KCNAB1: variants seen among roughly 807,000 people sequenced by gnomAD.
KCNAB1 encodes potassium voltage-gated channel subfamily A regulatory beta subunit 1.
Under a neutral mutation model 64.6 loss-of-function variants are expected in KCNAB1, and 35 were observed. The ratio of observed to expected loss-of-function variants is 0.54; its 90% CI spans 0.41 to 0.72. The LOEUF (loss-of-function observed/expected upper bound fraction) is 0.72. KCNAB1 is among the 30% of genes least tolerant of loss of function. The pLI, the probability that KCNAB1 is intolerant of heterozygous loss-of-function variation, is 0.00. For synonymous variants in KCNAB1, 177 were observed against 183.8 expected (o/e 0.96, Z 0.30); for missense variants, 401 against 512.9 (o/e 0.78, Z 2.11).
At chr3:156,247,155 C>T (rs1208996718) in intron 1 of KCNAB1, among the ~76,000 whole-genome samples, 2 of 152,092 alleles carry the variant, frequency 1.3e-5, no homozygotes, top group Admixed American at 6.5e-5. Flanking sequence ...GACTGTCTGC[C>T]GACTGGCTGG....
chr3:156,193,116 T>C (rs1320959456), intron 1 of KCNAB1, among the ~76,000 whole-genome samples: 1 of 152,132 alleles, frequency 6.6e-6, no homozygotes, highest in East Asian at 1.9e-4. Flanking sequence ...TATGGATTAA[T>C]TATATTTTAA....
intron 6 of KCNAB1, among the ~76,000 whole-genome samples, chr3:156,464,244 A>G (rs1276643157): frequency 6.6e-6 from 1 of 152,206 alleles, no homozygotes; most frequent in African/African-American, 2.4e-5. Context: ...AGCTACCTGT[A>G]TCACTCGCTG....
chr3:156,305,298 G>A (rs564709602), intron 1 of KCNAB1, among the ~76,000 whole-genome samples: 26 of 152,256 alleles, frequency 1.7e-4, no homozygotes, highest in African/African-American at 6.3e-4. Context: ...GTATGTGCAT[G>A]GCTTCAAAAT....
intron 1 of KCNAB1, among the ~76,000 whole-genome samples, chr3:156,157,411 T>C (rs934184892): frequency 6.6e-6 from 1 of 152,192 alleles, no homozygotes; most frequent in African/African-American, 2.4e-5. Flanking sequence ...ATGATACTTA[T>C]AAAGCTGGAT....
chr3:156,367,394 G>A (rs1039468171), intron 1 of KCNAB1, among the ~76,000 whole-genome samples: 5 of 151,706 alleles, frequency 3.3e-5, no homozygotes, highest in African/African-American at 1.2e-4. Context: ...TGTTAGCCAG[G>A]ATGGTCTCGA....
At chr3:156,366,026 T>C (rs1725921915) in intron 1 of KCNAB1, among the ~76,000 whole-genome samples, 1 of 152,116 alleles carries the variant, frequency 6.6e-6, no homozygotes, top group African/African-American at 2.4e-5. Context: ...ACTTGGCCCT[T>C]ACACATAAAA....
chr3:156,355,843 A>G (rs1725195600), intron 1 of KCNAB1, among the ~76,000 whole-genome samples: 2 of 152,112 alleles, frequency 1.3e-5, no homozygotes, highest in African/African-American at 4.8e-5. Flanking sequence ...AGGGCTGGCC[A>G]TGGTGGCTAA....
intron 1 of KCNAB1, among the ~76,000 whole-genome samples, chr3:156,186,202 T>C (rs1319245866): frequency 6.6e-6 from 1 of 152,254 alleles, no homozygotes; most frequent in African/African-American, 2.4e-5. Flanking sequence ...GTTTCATCTC[T>C]CTTTTCAAGT....
At chr3:156,530,589 C>T (rs977957590) in intron 12 of KCNAB1, among the ~76,000 whole-genome samples, 2 of 152,158 alleles carry the variant, frequency 1.3e-5, no homozygotes, top group African/African-American at 4.8e-5. Flanking sequence ...GAGATTCTCT[C>T]TAGCACGCTC....
intron 13 of KCNAB1, among the ~76,000 whole-genome samples, chr3:156,534,882 T>G (rs1718948368): frequency 6.6e-6 from 1 of 152,234 alleles, no homozygotes; most frequent in Admixed American, 6.5e-5. Context: ...CTTGTGATAC[T>G]ATGTCTTGTT....
chr3:156,142,995 A>C (rs1236432215), intron 1 of KCNAB1: 25 of 1,290,702 alleles, frequency 1.9e-5, no homozygotes, highest in Admixed American at 7.5e-5. Context: ...CACAACCAAC[A>C]GCTCTGTCGG....
chr3:156,158,916 C>G (rs370247626), intron 1 of KCNAB1, among the ~76,000 whole-genome samples: 25 of 152,270 alleles, frequency 1.6e-4, no homozygotes, highest in East Asian at 1.5e-3. Flanking sequence ...TGTCTCTGAA[C>G]TACTGACCTT....
At chr3:156,339,682 C>T (rs1403268634) in intron 1 of KCNAB1, among the ~76,000 whole-genome samples, 3 of 152,184 alleles carry the variant, frequency 2.0e-5, no homozygotes, top group East Asian at 3.9e-4. Context: ...AGGGCACGTG[C>T]CATTGAGTTT....
At chr3:156,433,715 G>A (rs750264105) in intron 2 of KCNAB1, among the ~76,000 whole-genome samples, 2 of 152,170 alleles carry the variant, frequency 1.3e-5, no homozygotes, top group African/African-American at 2.4e-5. Context: ...CTGTCAGCTT[G>A]ACAAGGGAAA....
chr3:156,469,931 G>A (rs951298484), intron 7 of KCNAB1, among the ~76,000 whole-genome samples: 1 of 152,228 alleles, frequency 6.6e-6, no homozygotes, highest in South Asian at 2.1e-4. Flanking sequence ...ACTTGGTTCT[G>A]TGATGAAGGT....
chr3:156,373,887 A>G lies in KCNAB1; in HGVS notation c.276-47729A>G, dbSNP rs1267197616. On this transcript the variant is annotated intron_variant, in intron 1 of 13. Transcript: ENST00000490337. ...ACAGGGGATCATAATGGTCTGATCCATTCAGGCCAGGCAAGGGGCTGGCTC... is the reference window on the plus strand; with the variant it reads ...ACAGGGGATCATAATGGTCTGATCCGTTCAGGCCAGGCAAGGGGCTGGCTC... Among the ~76,000 whole-genome samples the G allele has an allele frequency of 3.3e-5, 5 of 152,240 alleles. No homozygotes were observed. The East Asian group carries it at 7.7e-4, about 23-fold the overall frequency.
Position 156,351,805 on chromosome 3 carries a change from C to T in KCNAB1, c.276-69811C>T, listed in dbSNP as rs556511298. ...GCCTCAGGCAATTCAGGGTCTCTCT[C>T]CCTGCCTTCCTCTGGTCTCTCTCCC... On this transcript the variant is annotated intron_variant, in intron 1 of 13. Coordinates refer to ENST00000490337, the MANE Select transcript of KCNAB1 (RefSeq NM_172160.3). Among the ~76,000 whole-genome samples, 34 of 152,330 alleles carry T rather than the reference C, an allele frequency of 2.2e-4. No homozygotes were observed. The South Asian group carries it at 7.0e-3, about 32-fold the overall frequency.
At chr3:156,195,201 T>C (rs560923313) in intron 1 of KCNAB1, among the ~76,000 whole-genome samples, 5 of 152,312 alleles carry the variant, frequency 3.3e-5, no homozygotes, top group African/African-American at 1.2e-4. Context: ...GACATTTGAG[T>C]AGGTTCCAAG....
chr3:156,272,514 C>T lies in KCNAB1; in HGVS notation c.276-149102C>T, dbSNP rs767096543. ...ACCACGGCCCTGTGTGCAATACTCC[C>T]GGGCTACCACCAGTGTTCCCTTAAG... On this transcript the variant is annotated intron_variant, in intron 1 of 13. Transcript: ENST00000490337. Among the ~76,000 whole-genome samples the T allele has an allele frequency of 3.9e-5, 6 of 152,178 alleles. No homozygotes were observed. In the South Asian group the frequency reaches 1.0e-3, roughly 26 times the overall value.
Sources: allele counts gnomAD v4.1 joint callset (sites outside exome capture counted in the v4.1 genomes callset), GRCh38; gene constraint gnomAD v4.1.1; transcripts MANE v1.5; gene names NCBI Gene and HGNC (gene_info 2026-07-23, HGNC 2026-07-21).